TMEFF2: variants seen among roughly 807,000 people sequenced by gnomAD.
TMEFF2 encodes the protein tomoregulin-2.
A neutral mutation model predicts 53.8 loss-of-function variants in TMEFF2; 28 were observed. The ratio of observed to expected loss-of-function variants is 0.52; its 90% CI spans 0.39 to 0.71. The LOEUF is 0.71. TMEFF2 is among the 30% of genes least tolerant of loss of function. The pLI is 0.00. For missense variants in TMEFF2, 353 were observed against 455.2 expected (o/e 0.78, Z 2.04); for synonymous variants, 162 against 166.3 (o/e 0.97, Z 0.20).
At chr2:192,016,431 A>G (rs55848426) in intron 5 of TMEFF2, among the ~76,000 whole-genome samples, 8,482 of 152,236 alleles carry the variant, frequency 0.056, 808 homozygotes, top group African/African-American at 0.19. Flanking sequence ...AAGGCACTCA[A>G]TCAAATGACT....
At chr2:192,115,653 C>G (rs895510752) in intron 4 of TMEFF2, among the ~76,000 whole-genome samples, 1 of 151,798 alleles carries the variant, frequency 6.6e-6, no homozygotes, top group Non-Finnish European at 1.5e-5. Flanking sequence ...CAAAAACAAA[C>G]CCCCCAAAAA....
At chr2:191,950,447 A>G (rs1691839366) in intron 9 of TMEFF2, 40 bp from the exon 10 acceptor site, 1 of 1,613,992 alleles carries the variant, frequency 6.2e-7, no homozygotes, top group Non-Finnish European at 8.5e-7. Flanking sequence ...GTCCAATGCT[A>G]TTACCTAAAG....
chr2:192,105,363 A>G (rs755648334), intron 4 of TMEFF2, among the ~76,000 whole-genome samples: 15 of 151,914 alleles, frequency 9.9e-5, no homozygotes, highest in Non-Finnish European at 2.2e-4. Flanking sequence ...TATTTTAAGC[A>G]GATATTTTTG....
chr2:192,001,408 A>G (rs769640205), intron 5 of TMEFF2, among the ~76,000 whole-genome samples: 5 of 152,138 alleles, frequency 3.3e-5, no homozygotes, highest in African/African-American at 9.7e-5. Context: ...AATAGATTAT[A>G]TATATATACA....
intron 4 of TMEFF2, among the ~76,000 whole-genome samples, chr2:192,132,633 CT>C (rs1404831946): frequency 6.6e-6 from 1 of 152,180 alleles, no homozygotes; most frequent in Non-Finnish European, 1.5e-5. Flanking sequence ...CACACAAGAA[CT>C]TCCAAACGCC....
At chr2:192,047,594 T>C (rs1250213792) in intron 5 of TMEFF2, among the ~76,000 whole-genome samples, 2 of 152,214 alleles carry the variant, frequency 1.3e-5, no homozygotes, top group Admixed American at 1.3e-4. Flanking sequence ...CATAGCTTAG[T>C]GATAAAAGGA....
chr2:191,968,327 G>T (rs1475686155), intron 7 of TMEFF2, among the ~76,000 whole-genome samples: 2 of 152,170 alleles, frequency 1.3e-5, no homozygotes, highest in Non-Finnish European at 2.9e-5. Context: ...ACAGCGGCAG[G>T]AAAGAAGACA....
intron 8 of TMEFF2, among the ~76,000 whole-genome samples, chr2:191,955,919 T>C (rs1439813342): frequency 2.0e-5 from 3 of 152,174 alleles, no homozygotes; most frequent in African/African-American, 7.2e-5. Context: ...TAAATACTTA[T>C]TGAGCAACTA....
At chr2:192,129,010 T>A (rs1689745769) in intron 4 of TMEFF2, among the ~76,000 whole-genome samples, 1 of 152,202 alleles carries the variant, frequency 6.6e-6, no homozygotes, top group Non-Finnish European at 1.5e-5. Context: ...ACACATTTCC[T>A]CTGGGACATG....
chr2:192,066,705 GGAGA>G (rs1332226045), intron 4 of TMEFF2, among the ~76,000 whole-genome samples: 1 of 151,670 alleles, frequency 6.6e-6, no homozygotes, highest in Non-Finnish European at 1.5e-5. Context: ...ATTTTAAAAA[GGAGA>G]AAGAGATTAA....
At chr2:192,154,109 T>C (rs1478687033) in intron 4 of TMEFF2, among the ~76,000 whole-genome samples, 1 of 151,862 alleles carries the variant, frequency 6.6e-6, no homozygotes, top group African/African-American at 2.4e-5. Context: ...TTCCAGTGGT[T>C]CCCTTGGGTT....
chr2:192,017,607 G>A (rs1182729918), intron 5 of TMEFF2, among the ~76,000 whole-genome samples: 1 of 152,092 alleles, frequency 6.6e-6, no homozygotes, highest in Non-Finnish European at 1.5e-5. Flanking sequence ...TTCTCAGCCT[G>A]TTTAATATCT....
intron 5 of TMEFF2, among the ~76,000 whole-genome samples, chr2:192,056,804 T>G (rs1011513519): frequency 1.3e-5 from 2 of 152,130 alleles, no homozygotes; most frequent in African/African-American, 2.4e-5. Context: ...ATTAGTGCCC[T>G]TATAAAACAG....
At chr2:191,995,682 A>C (rs1274921750) in intron 7 of TMEFF2, among the ~76,000 whole-genome samples, 1 of 152,012 alleles carries the variant, frequency 6.6e-6, no homozygotes, top group Admixed American at 6.6e-5. Context: ...CTATTACTTA[A>C]ATGATTTCTA....
intron 4 of TMEFF2, among the ~76,000 whole-genome samples, chr2:192,096,877 T>C (rs897082779): frequency 6.6e-6 from 1 of 151,906 alleles, no homozygotes; most frequent in Non-Finnish European, 1.5e-5. Flanking sequence ...GGTTTCACCA[T>C]GTTGGCCAGG....
chr2:192,050,919 G>C (rs1038952684), intron 5 of TMEFF2, among the ~76,000 whole-genome samples: 4 of 152,156 alleles, frequency 2.6e-5, no homozygotes, highest in African/African-American at 9.7e-5. Context: ...TGAGTGGAAA[G>C]ATATGTGCTT....
intron 5 of TMEFF2, chr2:192,021,863 C>G (rs1033560540): frequency 2.6e-5 from 4 of 152,158 alleles, no homozygotes; most frequent in African/African-American, 9.7e-5. Flanking sequence ...GAACTAAGTC[C>G]TTAGCTCATA....
intron 5 of TMEFF2, among the ~76,000 whole-genome samples, chr2:192,002,601 G>A (rs1294516155): frequency 7.2e-5 from 11 of 152,052 alleles, no homozygotes; most frequent in Admixed American, 5.9e-4. Context: ...AGGCCAAGGT[G>A]GGCGGATCAC....
intron 5 of TMEFF2, among the ~76,000 whole-genome samples, chr2:192,035,964 G>A (rs886943933): frequency 7.9e-5 from 12 of 152,136 alleles, no homozygotes; most frequent in African/African-American, 2.7e-4. Flanking sequence ...TCATAATTGT[G>A]CAGTTACCAA....
Sources: allele counts gnomAD v4.1 joint callset (sites outside exome capture counted in the v4.1 genomes callset), GRCh38; gene constraint gnomAD v4.1.1; transcripts MANE v1.5; gene names NCBI Gene and HGNC (gene_info 2026-07-23, HGNC 2026-07-21).